Variants in ASIC2 observed in about 807,000 individuals in gnomAD.
ASIC2 encodes acid sensing ion channel subunit 2.
A neutral mutation model predicts 57.3 loss-of-function variants in ASIC2; 25 were observed. The observed-to-expected ratio is 0.44, with a 90% CI of 0.32 to 0.61. The LOEUF is 0.61. ASIC2 is among the 20% of genes least tolerant of loss of function. ASIC2 has a pLI of 0.06. For synonymous variants in ASIC2, 319 were observed against 307.5 expected, an observed-to-expected ratio of 1.04 and a Z score of -0.39; for missense variants, 641 against 738.1, an observed-to-expected ratio of 0.87 and a Z score of 1.52.
At chr17:33,907,638 C>T (rs577771510) in intron 1 of ASIC2, among the ~76,000 whole-genome samples, 90 of 152,100 alleles carry the variant, frequency 5.9e-4, no homozygotes, top group Non-Finnish European at 1.1e-3. Flanking sequence ...TTCTGGAATT[C>T]TTTTCTTTCT....
intron 1 of ASIC2, among the ~76,000 whole-genome samples, chr17:34,046,908 T>TC (rs1296097660): frequency 7.9e-5 from 12 of 152,078 alleles, no homozygotes; most frequent in Admixed American, 7.2e-4. Flanking sequence ...TTCAATCCTC[T>TC]CCCTCCCAAT....
At chr17:33,422,313 G>A (rs1207672581) in intron 1 of ASIC2, among the ~76,000 whole-genome samples, 1 of 152,226 alleles carries the variant, frequency 6.6e-6, no homozygotes. Context: ...GCAGAATAAA[G>A]CAGAGAAGAC....
chr17:33,118,244 T>C (rs1408917265), intron 1 of ASIC2, among the ~76,000 whole-genome samples: 1 of 152,224 alleles, frequency 6.6e-6, no homozygotes, highest in African/African-American at 2.4e-5. Flanking sequence ...CAGTAACTCT[T>C]CAAGTAGCTC....
At chr17:33,228,310 G>C (rs1429554835) in intron 1 of ASIC2, among the ~76,000 whole-genome samples, 1 of 152,148 alleles carries the variant, frequency 6.6e-6, no homozygotes, top group Non-Finnish European at 1.5e-5. Flanking sequence ...CTTGAAAAAC[G>C]ATGGTGAATT....
intron 1 of ASIC2, among the ~76,000 whole-genome samples, chr17:33,839,391 A>G (rs1913363295): frequency 6.6e-6 from 1 of 152,214 alleles, no homozygotes; most frequent in African/African-American, 2.4e-5. Flanking sequence ...AGTTCCTAGC[A>G]TTCTCCAAGA....
At chr17:34,131,412 G>A (rs1911954230) in intron 1 of ASIC2, among the ~76,000 whole-genome samples, 1 of 152,176 alleles carries the variant, frequency 6.6e-6, no homozygotes, top group African/African-American at 2.4e-5. Flanking sequence ...CTAGGCCCCA[G>A]AAGAGTCATT....
rs2091836164 is a variant in ASIC2, at chr17:33,021,667, G to GT, written c.1350-358dup. Among the ~76,000 whole-genome samples the GT allele has an allele frequency of 2.6e-5, 4 of 152,358 alleles. No individual in the cohort carries two copies. In the South Asian group the frequency reaches 8.3e-4, roughly 32 times the overall value. The stretch of plus-strand genomic sequence containing the variant: ...TTTCATTAATCTTCTGACAAGGCTT[G>GT]TCTTGGCTAGGGTGCCTGCTCCAGC... On this transcript the variant is annotated intron_variant, in intron 6 of 9. Coordinates refer to ENST00000225823, the MANE Select transcript of ASIC2 (RefSeq NM_183377.2).
intron 1 of ASIC2, among the ~76,000 whole-genome samples, chr17:33,453,483 G>A (rs373983319): frequency 2.0e-5 from 3 of 152,082 alleles, no homozygotes; most frequent in South Asian, 2.1e-4. Flanking sequence ...GATGTGAAGC[G>A]GAAGATGTTC....
chr17:33,767,224 T>G (rs1597867859), intron 1 of ASIC2, among the ~76,000 whole-genome samples: 1 of 152,160 alleles, frequency 6.6e-6, no homozygotes, highest in Non-Finnish European at 1.5e-5. Context: ...CCAGTGAACC[T>G]CAGTTTCTGC....
chr17:34,085,188 CTCT>C (rs1485930597), intron 1 of ASIC2, among the ~76,000 whole-genome samples: 1 of 152,100 alleles, frequency 6.6e-6, no homozygotes, highest in Non-Finnish European at 1.5e-5. Context: ...TCATAGATAG[CTCT>C]TATTATTTTG....
intron 1 of ASIC2, among the ~76,000 whole-genome samples, chr17:33,531,419 C>T (rs116293852): frequency 2.0e-5 from 3 of 152,270 alleles, no homozygotes; most frequent in East Asian, 1.9e-4. Flanking sequence ...AGTCAAGACA[C>T]GTGGGCCTCA....
chr17:33,739,902 G>T (rs4380089), intron 1 of ASIC2, among the ~76,000 whole-genome samples: 15,637 of 113,070 alleles, frequency 0.14, 1,213 homozygotes, highest in East Asian at 0.47. Flanking sequence ...AAAGAAAAAA[G>T]AGAAAGAAAG....
intron 1 of ASIC2, 100 bp from the exon 2 acceptor site, chr17:33,112,167 T>TC (rs1279633648): frequency 3.6e-6 from 5 of 1,373,138 alleles, no homozygotes; most frequent in Non-Finnish European, 2.9e-6. Flanking sequence ...CAGGTCAGAG[T>TC]CCCCACAGCC....
intron 1 of ASIC2, among the ~76,000 whole-genome samples, chr17:33,915,033 G>A (rs1377200642): frequency 3.9e-5 from 6 of 152,184 alleles, no homozygotes; most frequent in African/African-American, 1.2e-4. Flanking sequence ...CACAGCTGGC[G>A]TACGCAGGCA....
In ASIC2 at chr17:33,017,642, A is replaced by T. The variant is rs774274520; in HGVS notation, c.1484T>A (p.Ile495Asn). ...ATCAAAGAGCTCTAGTATTGTAAGG[A>T]TACTAGCACCAATGAACAATCCCAT... ...GQMGLFIGAS[I>N]LTILELFDYI... Residue 495 changes from isoleucine to asparagine, a missense_variant, in exon 8 of 10, where the codon ATC (isoleucine) becomes AAC (asparagine). Physicochemically the swap from Ile to Asn is moderately radical, Grantham distance 149 (BLOSUM62 -3). Around this residue, in one of 3 missense-constraint regions of ASIC2, gnomAD observed 252 missense variants for 319.8 expected, o/e 0.79. Coordinates refer to ENST00000225823, the MANE Select transcript of ASIC2 (RefSeq NM_183377.2). 1 of 1,613,900 alleles carries T rather than the reference A, an allele frequency of 6.2e-7. No individual in the cohort carries two copies. The highest frequency in any genetic ancestry group is 8.5e-7 in the Non-Finnish European group (1 of 1,179,766).
intron 1 of ASIC2, among the ~76,000 whole-genome samples, chr17:33,641,977 G>A (rs1297722697): frequency 6.6e-6 from 1 of 151,988 alleles, no homozygotes; most frequent in African/African-American, 2.4e-5. Flanking sequence ...TTTATTTTTA[G>A]TTTTTAGGTA....
chr17:33,174,154 G>A (rs1259160952), intron 1 of ASIC2, among the ~76,000 whole-genome samples: 1 of 152,184 alleles, frequency 6.6e-6, no homozygotes, highest in Non-Finnish European at 1.5e-5. Flanking sequence ...AGGCACGGTG[G>A]TTCACGCCTG....
intron 1 of ASIC2, among the ~76,000 whole-genome samples, chr17:33,782,620 T>C (rs1911489762): frequency 1.3e-5 from 2 of 152,086 alleles, no homozygotes; most frequent in African/African-American, 4.8e-5. Context: ...TCCCAGCTAC[T>C]TGGGAGGCTT....
At chr17:33,813,644 G>C (rs1028814820) in intron 1 of ASIC2, among the ~76,000 whole-genome samples, 1 of 152,156 alleles carries the variant, frequency 6.6e-6, no homozygotes, top group Admixed American at 6.5e-5. Context: ...CACCGTGTTA[G>C]CCAGGATGGT....
Sources: allele counts gnomAD v4.1 joint callset (sites outside exome capture counted in the v4.1 genomes callset), GRCh38; gene constraint gnomAD v4.1.1; regional missense constraint gnomAD v4.1.1; transcripts MANE v1.5; gene names NCBI Gene and HGNC (gene_info 2026-07-23, HGNC 2026-07-21).